The following SNRK variants were observed in gnomAD, a reference collection of about 807,000 sequenced individuals.
SNRK encodes the protein SNF related kinase.
SNRK carries 3 observed loss-of-function variants against 48.2 expected under a neutral mutation model. The observed-to-expected ratio is 0.06, with a 90% CI of 0.03 to 0.16. SNRK has a LOEUF of 0.16. SNRK is among the 10% of genes least tolerant of loss of function. The pLI is 1.00. For missense variants in SNRK, 627 were observed against 976.0 expected (o/e 0.64, Z 4.76); for synonymous variants, 376 against 366.1 (o/e 1.03, Z -0.31).
chr3:43,318,849 G>T (rs1180243644), intron 3 of SNRK, among the ~76,000 whole-genome samples: 1 of 151,978 alleles, frequency 6.6e-6, no homozygotes, highest in African/African-American at 2.4e-5. Context: ...CCAAGCAGAT[G>T]AAACCCCATC....
At chr3:43,322,417 C>G (rs1425841585) in intron 3 of SNRK, among the ~76,000 whole-genome samples, 1 of 152,110 alleles carries the variant, frequency 6.6e-6, no homozygotes, top group Non-Finnish European at 1.5e-5. Flanking sequence ...GGATGTAGTA[C>G]ACATATTATT....
chr3:43,343,532 AC>A, intron 6 of SNRK, 54 bp downstream of exon 6: 4 of 1,546,652 alleles, frequency 2.6e-6, no homozygotes, highest in South Asian at 1.2e-5. Flanking sequence ...GAAATAGCGA[AC>A]TTTTTTTTTT....
intron 3 of SNRK, among the ~76,000 whole-genome samples, chr3:43,330,504 G>C (rs142799572): frequency 6.8e-4 from 103 of 152,336 alleles, no homozygotes; most frequent in African/African-American, 2.4e-3. Context: ...GTACAAAGAG[G>C]AGGATTTAAG....
intron 4 of SNRK, among the ~76,000 whole-genome samples, chr3:43,336,892 A>G (rs1389741264): frequency 6.6e-6 from 1 of 151,848 alleles, no homozygotes; most frequent in Non-Finnish European, 1.5e-5. Context: ...AGCTGAGACT[A>G]CAGGCGCCCG....
chr3:43,305,480 A>ATTT (rs35255577), intron 3 of SNRK, among the ~76,000 whole-genome samples: 6 of 132,932 alleles, frequency 4.5e-5, no homozygotes, highest in African/African-American at 8.4e-5. Context: ...TTTATATACA[A>ATTT]TTTTTTTTTT....
intron 3 of SNRK, among the ~76,000 whole-genome samples, chr3:43,330,779 T>C (rs2091140222): frequency 6.6e-6 from 1 of 152,186 alleles, no homozygotes; most frequent in Non-Finnish European, 1.5e-5. Flanking sequence ...TCAGACCTCT[T>C]AGGGAGACTG....
chr3:43,343,038 A>G (rs1168110281), intron 5 of SNRK, among the ~76,000 whole-genome samples: 1 of 38,356 alleles, frequency 2.6e-5, no homozygotes, highest in Non-Finnish European at 5.4e-5. Context: ...AATTTTGAAT[A>G]ATGCGTGCAC....
chr3:43,310,150 A>G (rs995108757), intron 3 of SNRK, among the ~76,000 whole-genome samples: 54 of 152,280 alleles, frequency 3.5e-4, no homozygotes, highest in Non-Finnish European at 5.7e-4. Flanking sequence ...TGTCTAATCT[A>G]TGAATCAGTC....
At chr3:43,308,198 A>G (rs923016190) in intron 3 of SNRK, among the ~76,000 whole-genome samples, 1 of 152,250 alleles carries the variant, frequency 6.6e-6, no homozygotes, top group Non-Finnish European at 1.5e-5. Flanking sequence ...GAAAGAAGCC[A>G]TCTCCATAAC....
chr3:43,346,531 T>C (rs1309207169), intron 6 of SNRK, among the ~76,000 whole-genome samples: 2 of 152,250 alleles, frequency 1.3e-5, no homozygotes, highest in Non-Finnish European at 2.9e-5. Flanking sequence ...AATGAAAGTT[T>C]AAATAATGGT....
chr3:43,314,178 G>A (rs1173273402), intron 3 of SNRK, among the ~76,000 whole-genome samples: 1 of 152,120 alleles, frequency 6.6e-6, no homozygotes, highest in African/African-American at 2.4e-5. Flanking sequence ...GTATTTTAGA[G>A]CACTGATTCT....
At chr3:43,317,001 G>T (rs1386160229) in intron 3 of SNRK, among the ~76,000 whole-genome samples, 1 of 152,096 alleles carries the variant, frequency 6.6e-6, no homozygotes, top group African/African-American at 2.4e-5. Context: ...AACTAGAAAG[G>T]GGTTTTTCGT....
chr3:43,298,452 C>T (rs1374379701), intron 1 of SNRK, among the ~76,000 whole-genome samples: 3 of 152,178 alleles, frequency 2.0e-5, no homozygotes, highest in East Asian at 3.9e-4. Context: ...TGGACCTGTG[C>T]CCATGGCTTT....
chr3:43,301,707 C>G (rs958658357), intron 2 of SNRK, among the ~76,000 whole-genome samples: 1 of 152,238 alleles, frequency 6.6e-6, no homozygotes, highest in Non-Finnish European at 1.5e-5. Flanking sequence ...ATAATTAATG[C>G]TCTTAATATG....
At chr3:43,326,569 T>G (rs996866825) in intron 3 of SNRK, among the ~76,000 whole-genome samples, 43 of 152,224 alleles carry the variant, frequency 2.8e-4, no homozygotes, top group Middle Eastern at 3.4e-3. Flanking sequence ...TAGCCCAGGT[T>G]TCTGAGTTGG....
At chr3:43,320,662 TG>T (rs201888778) in intron 3 of SNRK, among the ~76,000 whole-genome samples, 1 of 149,556 alleles carries the variant, frequency 6.7e-6, no homozygotes, top group African/African-American at 2.6e-5. Context: ...TCAGAGTAGC[TG>T]GGTTTTTTTT....
chr3:43,328,626 T>A (rs1319178350), intron 3 of SNRK, among the ~76,000 whole-genome samples: 2 of 152,186 alleles, frequency 1.3e-5, no homozygotes, highest in African/African-American at 2.4e-5. Context: ...CCATTCTTAG[T>A]CCTATAATAC....
intron 4 of SNRK, among the ~76,000 whole-genome samples, chr3:43,336,925 T>C (rs2091194234): frequency 6.6e-6 from 1 of 152,076 alleles, no homozygotes; most frequent in Admixed American, 6.5e-5. Context: ...GCTAATTTTT[T>C]GTATTTTTAG....
chr3:43,301,226 G>A (rs1477016350), intron 2 of SNRK, among the ~76,000 whole-genome samples: 1 of 152,148 alleles, frequency 6.6e-6, no homozygotes, highest in Non-Finnish European at 1.5e-5. Flanking sequence ...TTTTGAGGGG[G>A]TTCTAGGTAT....
Sources: gnomAD v4.1 joint callset for allele counts (sites outside exome capture counted in the v4.1 genomes callset) on GRCh38, gnomAD v4.1.1 for gene constraint, MANE v1.5 for transcripts, NCBI Gene and HGNC (gene_info 2026-07-23, HGNC 2026-07-21) for gene names.